PCNX4: variants seen among roughly 807,000 people sequenced by gnomAD.
PCNX4 encodes the protein pecanex-like protein 4.
PCNX4 carries 103 observed loss-of-function variants against 107.2 expected under a neutral mutation model. That is an observed-to-expected ratio of 0.96 (90% CI 0.82 to 1.13). The LOEUF is 1.13. PCNX4 is among the 50% of genes most tolerant of loss of function. The pLI is 0.00. For missense variants in PCNX4, 1,528 were observed against 1,379.4 expected (o/e 1.11, Z -1.71); for synonymous variants, 541 against 481.7 (o/e 1.12, Z -1.61).
chr14:60,098,782 T>A (rs1895475138), intron 1 of PCNX4, among the ~76,000 whole-genome samples: 1 of 151,718 alleles, frequency 6.6e-6, no homozygotes, highest in African/African-American at 2.4e-5. Flanking sequence ...CTGCTCAAAA[T>A]ACAAAATTAG....
intron 1 of PCNX4, among the ~76,000 whole-genome samples, chr14:60,100,185 A>C (rs1452238167): frequency 2.6e-5 from 4 of 152,306 alleles, no homozygotes; most frequent in Admixed American, 2.6e-4. Context: ...ATGTTCAAAA[A>C]TGATCACTTC....
In PCNX4 at chr14:60,125,249, C is replaced by T; in HGVS notation, c.3078C>T (p.Phe1026=). Residue 1026 remains phenylalanine, a splice_region_variant and synonymous_variant, in exon 9 of 11, where the codon TTC becomes TTT. Coordinates refer to ENST00000406854, the MANE Select transcript of PCNX4 (RefSeq NM_001330177.2). ...TGTTTCAACTAGCACTGAAAGCATT[C>T]AGGTAATCCATTTTGATCATATGTA... is the stretch of plus-strand genomic sequence containing the variant. ...PELFQLALKA[F]RYTLKLMIDK... 6.5e-7 allele frequency: 1 copy of T among 1,545,396 alleles called. No individual in the cohort carries two copies. Among genetic ancestry groups the T allele is most frequent in the Non-Finnish European group, 8.7e-7 (1 of 1,150,294 alleles).
chr14:60,115,509 A>C lies in PCNX4; in HGVS notation c.1357+48A>C, dbSNP rs748993311. On this transcript the variant is annotated intron_variant, in intron 4 of 10. Coordinates refer to ENST00000406854, the MANE Select transcript of PCNX4 (RefSeq NM_001330177.2). ...CCTTGTGTTACAAATCATATCCTGG[A>C]AGTATTCAAAAATATTACTCAATTC... is the stretch of plus-strand genomic sequence containing the variant. The C allele has an allele frequency of 7.4e-6, 11 of 1,491,012 alleles. No individual in the cohort carries two copies. The East Asian group carries it at 2.5e-4, about 34-fold the overall frequency. The allele number at this position is 1,491,012 out of a possible 1,614,324, so 92.4% of individuals were successfully genotyped here. A position where few individuals can be genotyped will look rare whatever the true frequency, so the allele number is the denominator to read the frequency against.
At chr14:60,119,804 A>C (rs1373651811) in intron 7 of PCNX4, among the ~76,000 whole-genome samples, 2 of 152,226 alleles carry the variant, frequency 1.3e-5, no homozygotes, top group Non-Finnish European at 2.9e-5. Flanking sequence ...AAGCAATGAA[A>C]TAATATTTCA....
rs1404646355 is a variant in PCNX4, at chr14:60,134,781, C to T, written c.*560C>T. ...ACTTCAATTCATAAACTTTAAAAAA[C>T]TTTTAATAAAATATTTTCCTTCCTT... On this transcript the variant is annotated 3_prime_UTR_variant, in exon 11 of 11. Transcript: ENST00000406854. The T allele has an allele frequency of 6.6e-6, 1 of 152,246 alleles. No homozygotes were observed. The highest frequency in any genetic ancestry group is 2.4e-5 in the African/African-American group (1 of 41,436). The allele number at this position is 152,246 out of a possible 1,614,324, so 9.4% of individuals were successfully genotyped here. A position where few individuals can be genotyped will look rare whatever the true frequency, so the allele number is the denominator to read the frequency against.
chr14:60,101,650 G>A (rs1483410272), intron 1 of PCNX4, among the ~76,000 whole-genome samples: 1 of 152,052 alleles, frequency 6.6e-6, no homozygotes, highest in Non-Finnish European at 1.5e-5. Context: ...ATGCAAAATT[G>A]TGCAGCCACT....
chr14:60,142,163 GATTGTGGTT>G lies in PCNX4; in HGVS notation c.*7945_*7953del, dbSNP rs1896314398. Reference sequence around the variant, plus strand: ...GGCTGATATATGTGTTTACTCTCTTGATTGTGGTTATGGTTCACAAGTGTAGCCATATGG... The same window carrying G: ...GGCTGATATATGTGTTTACTCTCTTGATGGTTCACAAGTGTAGCCATATGG... On this transcript the variant is annotated 3_prime_UTR_variant, in exon 11 of 11. Coordinates refer to ENST00000406854, the MANE Select transcript of PCNX4 (RefSeq NM_001330177.2). This position sits in a 1 kb window ranked among gnomAD's most constrained non-coding sequence, Gnocchi z 4.7. 1 of 152,132 alleles carries G rather than the reference GATTGTGGTT, an allele frequency of 6.6e-6. No individual in the cohort carries two copies. Among genetic ancestry groups the G allele is most frequent in the Non-Finnish European group, 1.5e-5 (1 of 68,034 alleles). 9.4% of individuals were successfully genotyped at this position (152,132 alleles called of 1,614,324 possible).
intron 1 of PCNX4, among the ~76,000 whole-genome samples, chr14:60,100,626 G>T (rs1895512484): frequency 6.6e-6 from 1 of 152,164 alleles, no homozygotes; most frequent in South Asian, 2.1e-4. Flanking sequence ...CCATATTCAT[G>T]AAACAATAAT....
At chr14:60,102,909 A>G (rs931949881) in intron 1 of PCNX4, among the ~76,000 whole-genome samples, 1 of 152,164 alleles carries the variant, frequency 6.6e-6, no homozygotes, top group Non-Finnish European at 1.5e-5. Context: ...TCCTACAAAT[A>G]AAGTATTTTC....
At chr14:60,102,427 A>G (rs1016037919) in intron 1 of PCNX4, among the ~76,000 whole-genome samples, 5 of 152,282 alleles carry the variant, frequency 3.3e-5, no homozygotes, top group Middle Eastern at 3.4e-3. Flanking sequence ...TTTGTTTAAC[A>G]GATTTTTAGT....
rs775073580 is a variant in PCNX4, at chr14:60,124,738, C to G, written c.2567C>G (p.Ser856Ter). 2.5e-6 allele frequency: 4 copies of G among 1,613,098 alleles called. No homozygotes were observed. The highest frequency in any genetic ancestry group is 3.4e-6 in the Non-Finnish European group (4 of 1,179,764). The change falls in exon 9 of 11, where the codon TCA becomes TGA. Residue 856 changes from serine to a stop codon, truncating the protein, a stop_gained. Transcript: ENST00000406854. LOFTEE classifies it high-confidence loss of function. ...GGTACAAATTTGTTTATTCCAGGAT[C>G]AGTAGAATCACAGAGGGTTGGTGAT... ...LPGTNLFIPG[S>*]VESQRVGDHS...
At position 60,140,262 on chromosome 14, in the gene PCNX4, A is replaced by C. The variant is rs1261423370; in HGVS notation, c.*6041A>C. The stretch of plus-strand genomic sequence containing the variant: ...TTGGAAATTTTAGATGAAGTGAATA[A>C]ATTCTTTAAACTATGGAAGAGCCAA... On this transcript the variant is annotated 3_prime_UTR_variant, in exon 11 of 11. Coordinates refer to ENST00000406854, the MANE Select transcript of PCNX4 (RefSeq NM_001330177.2). The surrounding 1 kb of genome is among the most constrained non-coding windows in gnomAD (Gnocchi z 4.2). The C allele has an allele frequency of 6.6e-6, 1 of 151,988 alleles. No homozygotes were observed. The highest frequency in any genetic ancestry group is 1.5e-5 in the Non-Finnish European group (1 of 67,848). 9.4% of individuals were successfully genotyped at this position (151,988 alleles called of 1,614,324 possible).
intron 2 of PCNX4, among the ~76,000 whole-genome samples, chr14:60,113,402 C>G (rs1487793823): frequency 6.6e-6 from 1 of 152,090 alleles, no homozygotes; most frequent in African/African-American, 2.4e-5. Context: ...GAGTTTCGCT[C>G]TTGTTGCCCA....
chr14:60,134,285 CTG>C lies in PCNX4; in HGVS notation c.*67_*68del, dbSNP rs760316457. On this transcript the variant is annotated 3_prime_UTR_variant, in exon 11 of 11. Transcript: ENST00000406854. Reference sequence around the variant, plus strand: ...TTATTTTTTCATCCTAAAAAAGTAACTGTGATTCTTGTAACTTGAGGACTTCT... The same window carrying C: ...TTATTTTTTCATCCTAAAAAAGTAACTGATTCTTGTAACTTGAGGACTTCT... 24 of 1,561,600 alleles carry C rather than the reference CTG, an allele frequency of 1.5e-5. No homozygotes were observed. The highest frequency in any genetic ancestry group is 4.7e-5 in the South Asian group (4 of 85,972).
Position 60,091,933 on chromosome 14 carries a change from C to G in PCNX4, c.-540C>G, listed in dbSNP as rs1895298361. On this transcript the variant is annotated 5_prime_UTR_variant, in exon 1 of 11. Coordinates refer to ENST00000406854, the MANE Select transcript of PCNX4 (RefSeq NM_001330177.2). ...GGCAACGACGCTCTTGCGTAAAGGCCCGGCCCAAGGGAACGTTCAGGGCGT... is the reference window on the plus strand; with the variant it reads ...GGCAACGACGCTCTTGCGTAAAGGCGCGGCCCAAGGGAACGTTCAGGGCGT... 1 of 152,348 alleles carries G rather than the reference C, an allele frequency of 6.6e-6. No individual in the cohort carries two copies. Among genetic ancestry groups the G allele is most frequent in the South Asian group, 2.1e-4 (1 of 4,836 alleles). The allele number at this position is 152,348 out of a possible 1,614,324, so 9.4% of individuals were successfully genotyped here. A position where few individuals can be genotyped will look rare whatever the true frequency, so the allele number is the denominator to read the frequency against.
In PCNX4 at chr14:60,124,948, T is replaced by C. The variant is rs1022807955; in HGVS notation, c.2777T>C (p.Met926Thr). 2 of 1,613,718 alleles carry C rather than the reference T, an allele frequency of 1.2e-6. No individual in the cohort carries two copies. Among genetic ancestry groups the C allele is most frequent in the African/African-American group, 2.7e-5 (2 of 74,908 alleles). The change falls in exon 9 of 11, where the codon ATG (methionine) becomes ACG (threonine). Residue 926 changes from methionine to threonine, a missense_variant. By Grantham distance (81) the Met-to-Thr change is moderately conservative. Coordinates refer to ENST00000406854, the MANE Select transcript of PCNX4 (RefSeq NM_001330177.2). ...ACTAGCTGTATGCCCAGTTCCAAAA[T>C]GAAGGAGATGAGCTCGTTATTTCCA... ...WRTSCMPSSK[M>T]KEMSSLFPED... is the part of the protein sequence containing the mutation.
In PCNX4 at chr14:60,143,707, C is replaced by T. The variant is rs1417036579; in HGVS notation, c.*9486C>T. Reference sequence around the variant, plus strand: ...TACCTCTACCACATGTCATCTTCCCCCTTTTCCAAGGACAGCCACTTGGGT... The same window carrying T: ...TACCTCTACCACATGTCATCTTCCCTCTTTTCCAAGGACAGCCACTTGGGT... On this transcript the variant is annotated 3_prime_UTR_variant, in exon 11 of 11. Transcript: ENST00000406854. 2 of 152,242 alleles carry T rather than the reference C, an allele frequency of 1.3e-5. No homozygotes were observed. Among genetic ancestry groups the T allele is most frequent in the African/African-American group, 4.8e-5 (2 of 41,452 alleles). 9.4% of individuals were successfully genotyped at this position (152,242 alleles called of 1,614,324 possible). A position where few individuals can be genotyped will look rare whatever the true frequency, so the allele number is the denominator to read the frequency against.
rs1180370379 is a variant in PCNX4, at chr14:60,146,005, A to G, written c.*11784A>G. On this transcript the variant is annotated 3_prime_UTR_variant, in exon 11 of 11. Transcript: ENST00000406854. The surrounding 1 kb of genome is among the most constrained non-coding windows in gnomAD (Gnocchi z 4.9). ...ATTTTCTTAACTTAGACGCTTATCA[A>G]TAAGAAAATTTATATATATACATAT... 1 of 149,838 alleles carries G rather than the reference A, an allele frequency of 6.7e-6. No homozygotes were observed. Among genetic ancestry groups the G allele is most frequent in the East Asian group, 1.9e-4 (1 of 5,162 alleles). The allele number at this position is 149,838 out of a possible 1,614,324, so 9.3% of individuals were successfully genotyped here. A position where few individuals can be genotyped will look rare whatever the true frequency, so the allele number is the denominator to read the frequency against.
At chr14:60,110,229 T>A (rs1218073406) in intron 2 of PCNX4, 1 of 167,144 alleles carries the variant, frequency 6.0e-6, no homozygotes, top group African/African-American at 2.4e-5. Flanking sequence ...TTCTTGGATT[T>A]GACAGGATGT....
Sources: gnomAD v4.1 joint callset for allele counts (sites outside exome capture counted in the v4.1 genomes callset) on GRCh38, gnomAD v4.1.1 for gene constraint, Gnocchi (gnomAD v3.1) non-coding constraint, MANE v1.5 for transcripts, NCBI Gene and HGNC (gene_info 2026-07-23, HGNC 2026-07-21) for gene names.